The following DHX36 variants were observed in gnomAD, a reference collection of about 807,000 sequenced individuals.
DHX36 encodes DEAH-box helicase 36.
DHX36 carries 50 observed loss-of-function variants against 139.0 expected under a neutral mutation model. That is an observed-to-expected ratio of 0.36 (90% CI 0.29 to 0.46). The LOEUF (loss-of-function observed/expected upper bound fraction) is 0.46, where lower values mean the gene tolerates loss of function less well. DHX36 is among the 20% of genes least tolerant of loss of function. The probability of loss-of-function intolerance (pLI) is 1.00; values close to 1 mark genes in which losing one functional copy is unlikely to be tolerated. For missense variants in DHX36, 1,024 were observed against 1,211.3 expected (o/e 0.85, Z 2.29); for synonymous variants, 425 against 401.9 (o/e 1.06, Z -0.69).
intron 15 of DHX36, among the ~76,000 whole-genome samples, chr3:154,290,582 G>C (rs1711750593): frequency 7.0e-6 from 1 of 143,748 alleles, no homozygotes; most frequent in Non-Finnish European, 1.5e-5. Flanking sequence ...GTTGCAGTGA[G>C]CCAAGATCGT....
chr3:154,311,820 A>G (rs1712774000), intron 3 of DHX36, 146 bp from the exon 4 acceptor site: 3 of 546,716 alleles, frequency 5.5e-6, no homozygotes, highest in Non-Finnish European at 6.1e-6. Flanking sequence ...CATTATAAAG[A>G]ATAATTTACC....
At position 154,309,751 on chromosome 3, in the gene DHX36, G is replaced by C; in HGVS notation, c.715C>G (p.Gln239Glu). 1 of 1,612,438 alleles carries C rather than the reference G, an allele frequency of 6.2e-7. No individual in the cohort carries two copies. The highest frequency in any genetic ancestry group is 8.5e-7 in the Non-Finnish European group (1 of 1,179,204). Residue 239 changes from glutamine (Q) to glutamate (E), a missense_variant, in exon 5 of 25, where the codon CAA becomes GAA. By Grantham distance (29) the Gln-to-Glu change is conservative. Around this residue, in one of 4 missense-constraint regions of DHX36, gnomAD observed 146 missense variants for 215.0 expected, o/e 0.68. Transcript: ENST00000496811. ...TTATCCAAAATGAACTGAGTAACTT[G>C]AGTGGTTTTGCCACAACCAGTTTCA... Reference protein sequence around the residue: ...SGETGCGKTTQVTQFILDNYI... With the variant: ...SGETGCGKTTEVTQFILDNYI...
chr3:154,280,367 T>C (rs185916817), intron 22 of DHX36: 45 of 490,300 alleles, frequency 9.2e-5, no homozygotes, highest in African/African-American at 8.1e-4. Context: ...TTGTGAATAA[T>C]GGGTTATCAA....
intron 3 of DHX36, among the ~76,000 whole-genome samples, chr3:154,313,148 C>T (rs527848834): frequency 6.6e-6 from 1 of 151,866 alleles, no homozygotes; most frequent in African/African-American, 2.4e-5. Flanking sequence ...CCCAGGTAGT[C>T]AAATGTTACC....
chr3:154,305,373 A>T, intron 6 of DHX36: 1 of 486,588 alleles, frequency 2.1e-6, no homozygotes, highest in Admixed American at 3.8e-5. Context: ...GTTGTCATTG[A>T]TATAATGTTA....
chr3:154,314,419 G>T (rs1182864808), intron 3 of DHX36, among the ~76,000 whole-genome samples: 1 of 152,128 alleles, frequency 6.6e-6, no homozygotes, highest in East Asian at 1.9e-4. Flanking sequence ...ACATATTAAA[G>T]ATATGGCCCT....
chr3:154,300,463 T>C (rs1712222988), intron 11 of DHX36, 131 bp downstream of exon 11: 5 of 701,460 alleles, frequency 7.1e-6, no homozygotes, highest in East Asian at 2.7e-5. Context: ...TACTATGAGA[T>C]GATTTCTAGT....
chr3:154,303,809 G>A (rs540130540), intron 8 of DHX36, among the ~76,000 whole-genome samples: 3 of 152,222 alleles, frequency 2.0e-5, no homozygotes, highest in South Asian at 2.1e-4. Flanking sequence ...TGTAGCACCC[G>A]GAATTAGCGG....
chr3:154,301,041 T>C lies in DHX36; in HGVS notation c.1304A>G (p.Lys435Arg). ...CCAACGTTCTTTATATATTGCTTCT[T>C]TTTCTTCTTTTTCTTGTCTATTTAC... is the stretch of plus-strand genomic sequence containing the variant. ...GHVNRQEKEE[K>R]EAIYKERWPD... Residue 435 changes from lysine to arginine, a missense_variant, in exon 10 of 25, where the codon AAA (lysine) becomes AGA (arginine). This residue lies in a region of DHX36 where 115 missense variants were observed against 105.6 expected (regional missense o/e 1.09). Transcript: ENST00000496811. The C allele has an allele frequency of 6.2e-7, 1 of 1,608,892 alleles. No individual in the cohort carries two copies. Among genetic ancestry groups the C allele is most frequent in the Non-Finnish European group, 8.5e-7 (1 of 1,176,636 alleles).
intron 22 of DHX36, chr3:154,279,614 G>A (rs1719269160): frequency 6.6e-6 from 1 of 152,180 alleles, no homozygotes; most frequent in Non-Finnish European, 1.5e-5. Flanking sequence ...TAGTACTACT[G>A]ACACACTGTT....
chr3:154,279,201 T>C (rs571601492), intron 22 of DHX36: 2 of 152,294 alleles, frequency 1.3e-5, no homozygotes, highest in African/African-American at 4.8e-5. Context: ...TTTGGGGCTC[T>C]ATAATTTCTG....
intron 12 of DHX36, among the ~76,000 whole-genome samples, chr3:154,299,432 A>G (rs1244095977): frequency 6.6e-6 from 1 of 152,188 alleles, no homozygotes; most frequent in East Asian, 1.9e-4. Context: ...TATGCTGTTC[A>G]TACAGGATCA....
chr3:154,316,091 T>C lies in DHX36; in HGVS notation c.316A>G (p.Asn106Asp), dbSNP rs1390675087. The change falls in exon 2 of 25, where the codon AAT becomes GAT. Residue 106 changes from asparagine (N) to aspartate (D), a missense_variant. Asn to Asp is a conservative substitution (Grantham distance 23). Around this residue, in one of 4 missense-constraint regions of DHX36, gnomAD observed 293 missense variants for 274.4 expected, o/e 1.07. Transcript: ENST00000496811. ...ATCTGTGCTTCTGACTCTTTATCAT[T>C]CTTCGCTTGAACAGAATTCAGTAAC... is the stretch of plus-strand genomic sequence containing the variant. Reference protein sequence around the residue: ...VQLLNSVQAKNDKESEAQISW... With the variant: ...VQLLNSVQAKDDKESEAQISW... 6.2e-7 allele frequency: 1 copy of C among 1,613,406 alleles called. No homozygotes were observed. The highest frequency in any genetic ancestry group is 8.5e-7 in the Non-Finnish European group (1 of 1,179,592).
At chr3:154,313,525 C>T (rs1712849998) in intron 3 of DHX36, among the ~76,000 whole-genome samples, 1 of 151,872 alleles carries the variant, frequency 6.6e-6, no homozygotes, top group Non-Finnish European at 1.5e-5. Context: ...ACAAAAAATA[C>T]AAAAATTAAC....
At chr3:154,319,691 T>C (rs1713118060) in intron 1 of DHX36, among the ~76,000 whole-genome samples, 1 of 152,206 alleles carries the variant, frequency 6.6e-6, no homozygotes, top group South Asian at 2.1e-4. Flanking sequence ...ACCGATATTC[T>C]GGTTTGCTTC....
chr3:154,310,832 T>C lies in DHX36; in HGVS notation c.642+804A>G, dbSNP rs866921220. 9.4e-4 allele frequency among the ~76,000 whole-genome samples: 50 copies of C among 53,180 alleles called. 3 individuals are homozygous for C. Among genetic ancestry groups the C allele is most frequent in the African/African-American group, 3.4e-3 (49 of 14,210 alleles). The allele number at this position is 53,180 out of a possible 152,430, so 34.9% of individuals were successfully genotyped here. On this transcript the variant is annotated intron_variant, in intron 4 of 24. Transcript: ENST00000496811. ...ATATATATATATATATATATATATA[T>C]ATATATATATATATATATATGTATA... is the stretch of plus-strand genomic sequence containing the variant.
chr3:154,287,492 GA>G (rs1711586768), intron 17 of DHX36, among the ~76,000 whole-genome samples: 3 of 151,388 alleles, frequency 2.0e-5, no homozygotes. Context: ...CCATCTCTAC[GA>G]AAAATACAAA....
At chr3:154,294,108 G>A (rs1431390574) in intron 13 of DHX36, among the ~76,000 whole-genome samples, 1 of 152,100 alleles carries the variant, frequency 6.6e-6, no homozygotes, top group East Asian at 1.9e-4. Context: ...ACAAAAGCTG[G>A]AGGTTATAAA....
rs1277011065 is a variant in DHX36, at chr3:154,276,302, G to A, written c.2896C>T (p.Pro966Ser). The change falls in exon 25 of 25, where the codon CCT becomes TCT. Residue 966 changes from proline to serine, a missense_variant. Pro to Ser is a moderately conservative substitution (Grantham distance 74, BLOSUM62 -1). Transcript: ENST00000496811. ...LLQEKIESPHPVDWNDTKSRD... is the reference protein window; with the variant it reads ...LLQEKIESPHSVDWNDTKSRD... ...GATTTAGTGTCATTCCAGTCTACAG[G>A]ATGAGGACTTTCAATCTTCTCTTGC... 2.3e-5 allele frequency: 37 copies of A among 1,613,638 alleles called. No individual in the cohort carries two copies. Among genetic ancestry groups the A allele is most frequent in the Non-Finnish European group, 3.1e-5 (37 of 1,179,894 alleles).
Sources: gnomAD v4.1 joint callset for allele counts (sites outside exome capture counted in the v4.1 genomes callset) on GRCh38, gnomAD v4.1.1 for gene constraint, gnomAD v4.1.1 regional missense constraint, MANE v1.5 for transcripts, NCBI Gene and HGNC (gene_info 2026-07-23, HGNC 2026-07-21) for gene names.